Variants in CSF3R observed in about 807,000 individuals in gnomAD.
The protein encoded by CSF3R is granulocyte colony-stimulating factor receptor.
A neutral mutation model predicts 84.4 loss-of-function variants in CSF3R; 52 were observed. The observed-to-expected ratio is 0.62, with a 90% CI of 0.49 to 0.78. CSF3R has a LOEUF of 0.78. Among genes scored for constraint, CSF3R ranks in the 30% least tolerant of loss-of-function variants. CSF3R has a pLI of 0.00. For missense variants in CSF3R, 890 were observed against 1,055.7 expected, an observed-to-expected ratio of 0.84 and a Z score of 2.17; for synonymous variants, 384 against 429.1, an observed-to-expected ratio of 0.89 and a Z score of 1.30.
At position 36,467,255 on chromosome 1, in the gene CSF3R, G is replaced by T. The variant is rs1650384397; in HGVS notation, c.2015C>A (p.Ser672Tyr). 6.2e-7 allele frequency: 1 copy of T among 1,614,054 alleles called. No individual in the cohort carries two copies. Among genetic ancestry groups the T allele is most frequent in the African/African-American group, 1.3e-5 (1 of 74,932 alleles). Residue 672 changes from serine to tyrosine, a missense_variant, in exon 16 of 17, where the codon TCC becomes TAC. Coordinates refer to ENST00000373106, the MANE Select transcript of CSF3R (RefSeq NM_000760.4). This position sits in a 1 kb window ranked among gnomAD's most constrained non-coding sequence, Gnocchi z 4.1. ...VPDPAHSSLG[S>Y]WVPTIMEEDA... is the part of the protein sequence containing the mutation. ...CTCCTCCATGATTGTGGGCACCCAG[G>T]AGCCCAGGCTGCTGTGAGCTGGGTC... is the stretch of plus-strand genomic sequence containing the variant.
chr1:36,471,769 C>T (rs1650756559), intron 9 of CSF3R, 123 bp from the exon 10 acceptor site: 1 of 948,030 alleles, frequency 1.1e-6, no homozygotes, highest in South Asian at 1.5e-5. Flanking sequence ...CCAGGCTTCT[C>T]ACCCCCCTCC....
In CSF3R at chr1:36,467,016, C is replaced by A; in HGVS notation, c.2041-189G>T. 7.0e-7 allele frequency: 1 copy of A among 1,437,320 alleles called. No homozygotes were observed. Among genetic ancestry groups the A allele is most frequent in the Non-Finnish European group, 9.6e-7 (1 of 1,043,522 alleles). The allele number at this position is 1,437,320 out of a possible 1,614,324, so 89.0% of individuals were successfully genotyped here. A position where few individuals can be genotyped will look rare whatever the true frequency, so the allele number is the denominator to read the frequency against. On this transcript the variant is annotated intron_variant, in intron 16 of 16. Transcript: ENST00000373106. This position sits in a 1 kb window ranked among gnomAD's most constrained non-coding sequence, Gnocchi z 4.1. ...TGACACATGCCATGCACCGTTCAGA[C>A]TCAGCATGGTCAGTTTTTCCATATC... is the stretch of plus-strand genomic sequence containing the variant.
intron 3 of CSF3R, among the ~76,000 whole-genome samples, chr1:36,478,227 C>T (rs1218081834): frequency 6.6e-6 from 1 of 151,834 alleles, no homozygotes. Context: ...AAGCAAAAAC[C>T]AAATAAAAAC....
Position 36,469,192 on chromosome 1 carries a change from G to A in CSF3R, c.1540C>T (p.Pro514Ser), listed in dbSNP as rs1281481744. ...GAGTAGGCATAGACATGCTGGGAGG[G>A]TCCCATGGTGTCCTGGTACAAGGGA... ...VTPLYQDTMG[P>S]SQHVYAYSQE... The change falls in exon 12 of 17, where the codon CCC becomes TCC. Residue 514 changes from proline to serine, a missense_variant. Coordinates refer to ENST00000373106, the MANE Select transcript of CSF3R (RefSeq NM_000760.4). 1.2e-6 allele frequency: 2 copies of A among 1,614,110 alleles called. No individual in the cohort carries two copies. Among genetic ancestry groups the A allele is most frequent in the African/African-American group, 2.7e-5 (2 of 75,036 alleles).
At chr1:36,480,499 C>T (rs1651454559) in intron 2 of CSF3R, among the ~76,000 whole-genome samples, 1 of 152,188 alleles carries the variant, frequency 6.6e-6, no homozygotes, top group Non-Finnish European at 1.5e-5. Flanking sequence ...GAGGTTTCTA[C>T]CACTTGGGTG....
At chr1:36,469,357 A>C (rs1650554431) in intron 11 of CSF3R, 100 bp from the exon 12 acceptor site, 1 of 950,444 alleles carries the variant, frequency 1.1e-6, no homozygotes, top group Non-Finnish European at 1.7e-6. Context: ...ACCTGGCCTC[A>C]TGATTCAGGG....
At chr1:36,473,973 C>A in intron 4 of CSF3R, 86 bp from the exon 5 acceptor site, 1 of 1,598,372 alleles carries the variant, frequency 6.3e-7, no homozygotes, top group Non-Finnish European at 8.6e-7. Context: ...TGTTGCCTTG[C>A]CCTGGCTTGG....
chr1:36,466,049 C>T lies in CSF3R; in HGVS notation c.*308G>A. 6.2e-7 allele frequency: 1 copy of T among 1,613,374 alleles called. No individual in the cohort carries two copies. Among genetic ancestry groups the T allele is most frequent in the Non-Finnish European group, 8.5e-7 (1 of 1,179,752 alleles). ...TAAATAACAGAGACTCAGGTACACC[C>T]AAGAGTGTCTATAAACAACAACAAA... On this transcript the variant is annotated 3_prime_UTR_variant, in exon 17 of 17. Transcript: ENST00000373106. The surrounding 1 kb of genome is among the most constrained non-coding windows in gnomAD (Gnocchi z 4.6).
rs2124125331 is a variant in CSF3R at position 36,472,851 on chromosome 1, T to C, written c.674-165A>G. 2.4e-6 allele frequency: 2 copies of C among 846,418 alleles called. No individual in the cohort carries two copies. The highest frequency in any genetic ancestry group is 3.5e-6 in the Non-Finnish European group (2 of 568,486). The allele number at this position is 846,418 out of a possible 1,614,324, so 52.4% of individuals were successfully genotyped here. ...GTCTTTGTTTCTCTCTAGGTCTCTG[T>C]TTCCGCTCTTGCCCCAGGGCCTTTG... On this transcript the variant is annotated intron_variant, in intron 6 of 16. Coordinates refer to ENST00000373106, the MANE Select transcript of CSF3R (RefSeq NM_000760.4). This position sits in a 1 kb window ranked among gnomAD's most constrained non-coding sequence, Gnocchi z 5.0.
intron 4 of CSF3R, 119 bp downstream of exon 4, chr1:36,475,258 C>T (rs538168957): frequency 1.7e-5 from 21 of 1,264,954 alleles, no homozygotes; most frequent in Non-Finnish European, 2.1e-5. Flanking sequence ...CCGCCTGCCT[C>T]GGCCTCCCAA....
chr1:36,468,128 C>A lies in CSF3R; in HGVS notation c.1670G>T (p.Ser557Ile), dbSNP rs375011831. ...GAAGATGGTGTAGTGGGTAAGGGGG[C>A]TCTTCCCCAGCTCAGGGGGCTCAGG... ...WVPEPPELGK[S>I]PLTHYTIFWT... Residue 557 changes from serine (S) to isoleucine (I), a missense_variant, in exon 13 of 17, where the codon AGC (serine) becomes ATC (isoleucine). By Grantham distance (142) the Ser-to-Ile change is moderately radical. Transcript: ENST00000373106. 4.3e-6 allele frequency: 7 copies of A among 1,614,014 alleles called. No individual in the cohort carries two copies. In the African/African-American group the frequency reaches 9.3e-5, roughly 22 times the overall value.
chr1:36,475,239 T>G, intron 4 of CSF3R, 138 bp downstream of exon 4: 1 of 1,042,918 alleles, frequency 9.6e-7, no homozygotes. Flanking sequence ...ACTCCTGACC[T>G]CAGGTGATCC....
In CSF3R at chr1:36,475,671, G is replaced by A. The variant is rs148997726; in HGVS notation, c.67C>T (p.Leu23=). 1 of 1,605,794 alleles carries A rather than the reference G, an allele frequency of 6.2e-7. No individual in the cohort carries two copies. The highest frequency in any genetic ancestry group is 8.5e-7 in the Non-Finnish European group (1 of 1,174,572). Reference sequence around the variant, plus strand: ...ACACTGATGTGCCCGCACTCCTCCAGACCTGGGGTGGAAGAGAATGGGCCA... The same window carrying A: ...ACACTGATGTGCCCGCACTCCTCCAAACCTGGGGTGGAAGAGAATGGGCCA... ...ALIILLLPGS[L]EECGHISVSA... The change falls in exon 4 of 17, where the codon CTG becomes TTG. Residue 23 remains leucine, a splice_region_variant and synonymous_variant. Transcript: ENST00000373106.
rs372180979 is a variant in CSF3R, at chr1:36,467,874, G to C, written c.1812C>G (p.Ser604Arg). ...SLYHIHLMAA[S>R]QAGATNSTVL... ...CTGTACTGTTGGTGGCCCCAGCCTG[G>C]CTGGCAGCCATGAGGTGGATGTGAT... Residue 604 changes from serine to arginine, a missense_variant, in exon 14 of 17, where the codon AGC becomes AGG. By Grantham distance (110) the Ser-to-Arg change is moderately radical. Transcript: ENST00000373106. This position sits in a 1 kb window ranked among gnomAD's most constrained non-coding sequence, Gnocchi z 4.1. 2 of 1,614,140 alleles carry C rather than the reference G, an allele frequency of 1.2e-6. No individual in the cohort carries two copies. The highest frequency in any genetic ancestry group is 3.3e-5 in the Admixed American group (2 of 60,012).
At chr1:36,468,766 G>A (rs1393691170) in intron 12 of CSF3R, 3 of 253,572 alleles carry the variant, frequency 1.2e-5, no homozygotes, top group Non-Finnish European at 2.3e-5. Flanking sequence ...AGACAAGGTT[G>A]CCTAGGCTGG....
In CSF3R at chr1:36,472,656, A is replaced by G. The variant is rs141729889; in HGVS notation, c.704T>C (p.Met235Thr). Residue 235 changes from methionine (M) to threonine (T), a missense_variant, in exon 7 of 17, where the codon ATG (methionine) becomes ACG (threonine). Met to Thr is a moderately conservative substitution (Grantham distance 81). Transcript: ENST00000373106. This position sits in a 1 kb window ranked among gnomAD's most constrained non-coding sequence, Gnocchi z 5.0. ...VKLEPPMLRT[M>T]DPSPEAAPPQ... ...AGGGGCCGCTTCAGGGCTGGGGTCC[A>G]TGGTCCGCAGCATGGGGGGCTCCAG... 327 of 1,608,076 alleles carry G rather than the reference A, an allele frequency of 2.0e-4. 1 individual carries two copies. In the African/African-American group the frequency reaches 4.0e-3, roughly 20 times the overall value.
intron 9 of CSF3R, 26 bp from the exon 10 acceptor site, chr1:36,471,672 A>G: frequency 6.2e-7 from 1 of 1,610,490 alleles, no homozygotes; most frequent in Non-Finnish European, 8.5e-7. Context: ...GGAAAAAGAG[A>G]AGGGGATGTG....
chr1:36,478,354 C>T lies in CSF3R; in HGVS notation c.64+1079G>A, dbSNP rs1006784854. On this transcript the variant is annotated intron_variant, in intron 3 of 16. Transcript: ENST00000373106. Reference sequence around the variant, plus strand: ...GACCAGCCTGGCCAACATGGTGAAACCCCATCTCTAGTAAAAATACAAAAA... The same window carrying T: ...GACCAGCCTGGCCAACATGGTGAAATCCCATCTCTAGTAAAAATACAAAAA... Among the ~76,000 whole-genome samples the T allele has an allele frequency of 1.6e-3, 241 of 151,600 alleles. 3 individuals are homozygous for T. Among genetic ancestry groups the T allele is most frequent in the Middle Eastern group, 3.4e-3 (1 of 292 alleles).
intron 9 of CSF3R, 126 bp downstream of exon 9, chr1:36,471,932 CAAAGTGCA>C (rs1254900837): frequency 1.2e-5 from 11 of 904,752 alleles, no homozygotes; most frequent in Admixed American, 1.0e-4. Context: ...TAGGCACATG[CAAAGTGCA>C]TGCAAATCAC....
Sources: gnomAD v4.1 joint callset for allele counts (sites outside exome capture counted in the v4.1 genomes callset) on GRCh38, gnomAD v4.1.1 for gene constraint, Gnocchi (gnomAD v3.1) non-coding constraint, MANE v1.5 for transcripts, NCBI Gene and HGNC (gene_info 2026-07-23, HGNC 2026-07-21) for gene names.